The following NRDE2 variants were observed in gnomAD, a reference collection of about 807,000 sequenced individuals.
NRDE2 encodes nuclear exosome regulator NRDE2.
Under a neutral mutation model 124.2 loss-of-function variants are expected in NRDE2, and 76 were observed. That is an observed-to-expected ratio of 0.61 (90% CI 0.51 to 0.74). NRDE2 has a LOEUF of 0.74. NRDE2 is among the 30% of genes least tolerant of loss of function. The pLI is 0.00. For missense variants in NRDE2, 1,314 were observed against 1,417.3 expected (o/e 0.93, Z 1.17); for synonymous variants, 489 against 528.1 (o/e 0.93, Z 1.01).
At chr14:90,291,007 T>A (rs1314661835) in intron 9 of NRDE2, among the ~76,000 whole-genome samples, 1 of 152,256 alleles carries the variant, frequency 6.6e-6, no homozygotes, top group East Asian at 1.9e-4. Flanking sequence ...TATTGTAAGA[T>A]GGAAGATAAG....
Position 90,303,097 on chromosome 14 carries a change from T to A in NRDE2, c.1034A>T (p.Tyr345Phe). ...TTCCTGCTCTCCTTCCTCGATGGCA[T>A]ACAGGCCAGGACTTTTCATGACCTC... ...QDEVMKSPGL[Y>F]AIEEGEQEKR... The change falls in exon 6 of 14, where the codon TAT becomes TTT. Residue 345 changes from tyrosine (Y) to phenylalanine (F), a missense_variant. By Grantham distance (22) the Tyr-to-Phe change is conservative. Coordinates refer to ENST00000354366, the MANE Select transcript of NRDE2 (RefSeq NM_017970.4). 6.2e-7 allele frequency: 1 copy of A among 1,613,990 alleles called. No individual in the cohort carries two copies. Among genetic ancestry groups the A allele is most frequent in the South Asian group, 1.1e-5 (1 of 91,082 alleles).
chr14:90,272,145 C>T lies in NRDE2; in HGVS notation c.*6191G>A, dbSNP rs959206097. 5 of 986,566 alleles carry T rather than the reference C, an allele frequency of 5.1e-6. No homozygotes were observed. Among genetic ancestry groups the T allele is most frequent in the Non-Finnish European group, 5.9e-6 (4 of 678,064 alleles). The allele number at this position is 986,566 out of a possible 1,614,324, so 61.1% of individuals were successfully genotyped here. A position where few individuals can be genotyped will look rare whatever the true frequency, so the allele number is the denominator to read the frequency against. The stretch of plus-strand genomic sequence containing the variant: ...CTGACCTTAGGCGATCCACCTGCCT[C>T]GGCCTCCCAGAGTGCTGGGATTACA... On this transcript the variant is annotated 3_prime_UTR_variant, in exon 14 of 14. Transcript: ENST00000354366. The surrounding 1 kb of genome is among the most constrained non-coding windows in gnomAD (Gnocchi z 4.5).
chr14:90,317,962 T>A (rs372943574), intron 2 of NRDE2, 43 bp downstream of exon 2: 1 of 1,479,514 alleles, frequency 6.8e-7, no homozygotes, highest in African/African-American at 1.4e-5. Context: ...CTATAGACAG[T>A]AAACTGACAA....
intron 12 of NRDE2, among the ~76,000 whole-genome samples, chr14:90,283,071 T>C (rs1318654904): frequency 6.6e-6 from 1 of 152,154 alleles, no homozygotes; most frequent in Non-Finnish European, 1.5e-5. Context: ...AGCCTTAGCC[T>C]TCCCCCCGGC....
rs1891850600 is a variant in NRDE2 at position 90,278,247 on chromosome 14, C to T, written c.*89G>A. The T allele has an allele frequency of 1.3e-6, 2 of 1,507,116 alleles. No homozygotes were observed. The highest frequency in any genetic ancestry group is 1.8e-6 in the Non-Finnish European group (2 of 1,091,672). The allele number at this position is 1,507,116 out of a possible 1,614,324, so 93.4% of individuals were successfully genotyped here. On this transcript the variant is annotated 3_prime_UTR_variant, in exon 14 of 14. Coordinates refer to ENST00000354366, the MANE Select transcript of NRDE2 (RefSeq NM_017970.4). ...AAGAACATTTCAAAAGCCGAGTTCT[C>T]CTAACACACACGTTCTCTGCTCGCG...
At chr14:90,311,763 C>T (rs1323173577) in intron 4 of NRDE2, among the ~76,000 whole-genome samples, 1 of 151,624 alleles carries the variant, frequency 6.6e-6, no homozygotes, top group Non-Finnish European at 1.5e-5. Context: ...CTAATGATAG[C>T]TGATGAGTTA....
intron 1 of NRDE2, among the ~76,000 whole-genome samples, chr14:90,318,693 G>A (rs1404655386): frequency 1.3e-5 from 2 of 152,074 alleles, no homozygotes; most frequent in Non-Finnish European, 2.9e-5. Flanking sequence ...CCAGCTACTC[G>A]GGAGGCTGAG....
Position 90,279,388 on chromosome 14 carries a change from TAA to T in NRDE2, c.3298-257_3298-256del. 9.6e-6 allele frequency: 4 copies of T among 416,972 alleles called. No individual in the cohort carries two copies. The South Asian group carries it at 1.5e-4, about 16-fold the overall frequency. 25.8% of individuals were successfully genotyped at this position (416,972 alleles called of 1,614,324 possible). ...TCAATCCTGAACACTACTGACTTTT[TAA>T]AGTCTCAGATCTCCTCCTTTGCTGT... On this transcript the variant is annotated intron_variant, in intron 12 of 13. Transcript: ENST00000354366.
At chr14:90,303,758 T>C (rs1276765280) in intron 5 of NRDE2, among the ~76,000 whole-genome samples, 177 bp downstream of exon 5, 1 of 152,244 alleles carries the variant, frequency 6.6e-6, no homozygotes, top group Non-Finnish European at 1.5e-5. Context: ...ATTCTTCGCA[T>C]GTCCATTTTC....
intron 4 of NRDE2, among the ~76,000 whole-genome samples, chr14:90,310,040 C>T (rs969306660): frequency 6.6e-6 from 1 of 152,206 alleles, no homozygotes; most frequent in African/African-American, 2.4e-5. Flanking sequence ...TATATTTGCA[C>T]ACCAATTTCC....
chr14:90,300,004 T>C (rs566249850), intron 7 of NRDE2, among the ~76,000 whole-genome samples: 1 of 152,300 alleles, frequency 6.6e-6, no homozygotes, highest in East Asian at 1.9e-4. Flanking sequence ...TGTAAATGCT[T>C]TGGAATCACA....
intron 13 of NRDE2, 66 bp from the exon 14 acceptor site, chr14:90,278,527 GAAGC>G: frequency 6.3e-7 from 1 of 1,597,900 alleles, no homozygotes; most frequent in Non-Finnish European, 8.6e-7. Context: ...AGGAGCTCAG[GAAGC>G]AAGGGCCAGG....
chr14:90,326,517 A>AAG (rs1555362500), intron 1 of NRDE2, among the ~76,000 whole-genome samples: 4 of 151,390 alleles, frequency 2.6e-5, no homozygotes, highest in South Asian at 2.1e-4. Flanking sequence ...AAAAAAAAAA[A>AAG]AGAGAGAGGG....
rs534457951 is a variant in NRDE2, at chr14:90,308,036, C to T, written c.558-3654G>A. Among the ~76,000 whole-genome samples the T allele has an allele frequency of 5.9e-5, 9 of 152,312 alleles. 1 individual carries two copies. Among genetic ancestry groups the T allele is most frequent in the Non-Finnish European group, 8.8e-5 (6 of 68,026 alleles). ...GTGCTGGGACTACAGGTGTGGGTCACTGCACTTGGCCAAAAATGTTTACAT... is the reference window on the plus strand; with the variant it reads ...GTGCTGGGACTACAGGTGTGGGTCATTGCACTTGGCCAAAAATGTTTACAT... On this transcript the variant is annotated intron_variant, in intron 4 of 13. Coordinates refer to ENST00000354366, the MANE Select transcript of NRDE2 (RefSeq NM_017970.4).
chr14:90,318,867 C>T (rs912266735), intron 1 of NRDE2, among the ~76,000 whole-genome samples: 15 of 152,144 alleles, frequency 9.9e-5, no homozygotes, highest in African/African-American at 3.1e-4. Flanking sequence ...AATATTATTA[C>T]AGAAGATTAA....
chr14:90,269,063 T>G lies in NRDE2; in HGVS notation c.*9273A>C, dbSNP rs1051816064. The stretch of plus-strand genomic sequence containing the variant: ...CACTAGTTCCCTGCAGCATTTTTTA[T>G]AAGGAATACATGCTGTATAAGGCCT... On this transcript the variant is annotated 3_prime_UTR_variant, in exon 14 of 14. Coordinates refer to ENST00000354366, the MANE Select transcript of NRDE2 (RefSeq NM_017970.4). The G allele has an allele frequency of 5.4e-6, 1 of 183,838 alleles. No individual in the cohort carries two copies. The highest frequency in any genetic ancestry group is 2.4e-5 in the African/African-American group (1 of 42,444). 11.4% of individuals were successfully genotyped at this position (183,838 alleles called of 1,614,324 possible). A position where few individuals can be genotyped will look rare whatever the true frequency, so the allele number is the denominator to read the frequency against.
At position 90,298,340 on chromosome 14, in the gene NRDE2, C is replaced by T. The variant is rs202055536; in HGVS notation, c.1586G>A (p.Arg529Gln). 68 of 1,613,754 alleles carry T rather than the reference C, an allele frequency of 4.2e-5. No homozygotes were observed. Among genetic ancestry groups the T allele is most frequent in the Non-Finnish European group, 5.5e-5 (65 of 1,179,974 alleles). ...GCCTCGGGCTCCCTTCTCCCCAGCCCGGGGCTCTCCACTGTCCCAAAAGGG... is the reference window on the plus strand; with the variant it reads ...GCCTCGGGCTCCCTTCTCCCCAGCCTGGGGCTCTCCACTGTCCCAAAAGGG... ...FEPFWDSGEPRAGEKGARGWK... is the reference protein window; with the variant it reads ...FEPFWDSGEPQAGEKGARGWK... The change falls in exon 8 of 14, where the codon CGG becomes CAG. Residue 529 changes from arginine to glutamine, a missense_variant. By Grantham distance (43) the Arg-to-Gln change is conservative. Transcript: ENST00000354366.
chr14:90,269,645 C>G lies in NRDE2; in HGVS notation c.*8691G>C, dbSNP rs1248303239. The G allele has an allele frequency of 7.5e-7, 1 of 1,329,182 alleles. No individual in the cohort carries two copies. Among genetic ancestry groups the G allele is most frequent in the Non-Finnish European group, 1.0e-6 (1 of 961,940 alleles). 82.3% of individuals were successfully genotyped at this position (1,329,182 alleles called of 1,614,324 possible). On this transcript the variant is annotated 3_prime_UTR_variant, in exon 14 of 14. Transcript: ENST00000354366. ...GCCTATAAAATGATACATAAAAAAG[C>G]AAATACTGCAGTGAAACTTAGGATA... is the stretch of plus-strand genomic sequence containing the variant.
At chr14:90,302,601 A>C (rs1015521017) in intron 6 of NRDE2, 119 bp downstream of exon 6, 2 of 1,132,984 alleles carry the variant, frequency 1.8e-6, no homozygotes, top group African/African-American at 1.6e-5. Flanking sequence ...TAAAAAAATC[A>C]GTTCTATCAA....
Sources: gnomAD v4.1 joint callset for allele counts (sites outside exome capture counted in the v4.1 genomes callset) on GRCh38, gnomAD v4.1.1 for gene constraint, Gnocchi (gnomAD v3.1) non-coding constraint, MANE v1.5 for transcripts, NCBI Gene and HGNC (gene_info 2026-07-23, HGNC 2026-07-21) for gene names.